ANO3: variants seen among roughly 807,000 people sequenced by gnomAD.
ANO3 encodes anoctamin 3, also known as anoctamin-3.
ANO3 carries 99 observed loss-of-function variants against 144.8 expected under a neutral mutation model. The observed-to-expected ratio is 0.68, with a 90% CI of 0.58 to 0.81. The LOEUF (loss-of-function observed/expected upper bound fraction) is 0.81, where lower values mean the gene tolerates loss of function less well. Among genes scored for constraint, ANO3 ranks in the 30% least tolerant of loss-of-function variants. The pLI is 0.00. For missense variants in ANO3, 905 were observed against 1,202.2 expected, an observed-to-expected ratio of 0.75 and a Z score of 3.66; for synonymous variants, 414 against 392.6, an observed-to-expected ratio of 1.05 and a Z score of -0.64.
At chr11:26,189,357 A>G in intron 1 of ANO3, 2 of 979,612 alleles carry the variant, frequency 2.0e-6, no homozygotes, top group South Asian at 9.5e-5. Flanking sequence ...ATTGATATGT[A>G]TGAGTATCTT....
At chr11:26,240,291 A>G (rs962512714) in intron 1 of ANO3, among the ~76,000 whole-genome samples, 46 of 152,312 alleles carry the variant, frequency 3.0e-4, no homozygotes, top group Admixed American at 1.1e-3. Flanking sequence ...TATAAAGAAC[A>G]TATAATCTCT....
At chr11:26,313,026 A>G (rs1854536570) in intron 1 of ANO3, among the ~76,000 whole-genome samples, 1 of 152,196 alleles carries the variant, frequency 6.6e-6, no homozygotes, top group South Asian at 2.1e-4. Flanking sequence ...ATTGTTTCAA[A>G]TCAGTTGTTC....
intron 1 of ANO3, among the ~76,000 whole-genome samples, chr11:26,219,503 G>A (rs1852099782): frequency 6.6e-6 from 1 of 152,080 alleles, no homozygotes; most frequent in Non-Finnish European, 1.5e-5. Context: ...GGATCTCCCT[G>A]TTTTTTCATT....
At chr11:26,465,098 T>G (rs1859548622) in intron 4 of ANO3, among the ~76,000 whole-genome samples, 1 of 150,644 alleles carries the variant, frequency 6.6e-6, no homozygotes. Context: ...TTGTTGGCCT[T>G]TCTCTTATTA....
At chr11:26,437,186 G>A (rs1168962598) in intron 1 of ANO3, among the ~76,000 whole-genome samples, 3 of 152,146 alleles carry the variant, frequency 2.0e-5, no homozygotes, top group Non-Finnish European at 2.9e-5. Context: ...TCTTTCCTAG[G>A]GGTATGTACA....
chr11:26,429,318 A>G (rs1304102199), intron 1 of ANO3, among the ~76,000 whole-genome samples: 1 of 152,174 alleles, frequency 6.6e-6, no homozygotes, highest in East Asian at 1.9e-4. Context: ...GTGTCTTTAG[A>G]TGAGATCAAG....
At chr11:26,651,798 G>A (rs1027094117) in intron 24 of ANO3, among the ~76,000 whole-genome samples, 2 of 152,032 alleles carry the variant, frequency 1.3e-5, no homozygotes, top group Admixed American at 6.6e-5. Context: ...GGAATTATAG[G>A]CCTACAGGAA....
chr11:26,272,932 C>T (rs1218270017), intron 1 of ANO3, among the ~76,000 whole-genome samples: 1 of 152,082 alleles, frequency 6.6e-6, no homozygotes, highest in African/African-American at 2.4e-5. Context: ...GGTACATGCT[C>T]GATACTTAAC....
chr11:26,221,776 C>A (rs1852149247), intron 1 of ANO3, among the ~76,000 whole-genome samples: 1 of 151,996 alleles, frequency 6.6e-6, no homozygotes, highest in African/African-American at 2.4e-5. Flanking sequence ...GGGGGAGGTG[C>A]CACACACTTT....
At chr11:26,501,076 C>T (rs1861177251) in intron 4 of ANO3, among the ~76,000 whole-genome samples, 1 of 152,116 alleles carries the variant, frequency 6.6e-6, no homozygotes, top group Non-Finnish European at 1.5e-5. Flanking sequence ...TAATGAAAAA[C>T]ATTCCTATTA....
chr11:26,561,031 A>G (rs1850267065), intron 14 of ANO3: 1 of 1,586,738 alleles, frequency 6.3e-7, no homozygotes, highest in African/African-American at 1.4e-5. Context: ...GATGTAGATG[A>G]CACTTGCTGT....
intron 1 of ANO3, among the ~76,000 whole-genome samples, chr11:26,345,238 A>T (rs1311439222): frequency 6.6e-6 from 1 of 152,176 alleles, no homozygotes; most frequent in African/African-American, 2.4e-5. Flanking sequence ...AAATTATCAG[A>T]TATCCCTTCC....
At chr11:26,505,013 A>G (rs12795292) in intron 4 of ANO3, among the ~76,000 whole-genome samples, 1 of 4,194 alleles carries the variant, frequency 2.4e-4, no homozygotes, top group Non-Finnish European at 4.9e-4. Context: ...CTCCACCTCA[A>G]AAAAAAAAAA....
chr11:26,604,228 G>A (rs575923163), intron 17 of ANO3, among the ~76,000 whole-genome samples: 6 of 152,230 alleles, frequency 3.9e-5, no homozygotes, highest in African/African-American at 7.2e-5. Flanking sequence ...TAGTAGATAC[G>A]TGGTGTTATT....
chr11:26,213,126 G>T (rs994977203), intron 1 of ANO3, among the ~76,000 whole-genome samples: 25 of 152,012 alleles, frequency 1.6e-4, no homozygotes, highest in African/African-American at 4.8e-4. Context: ...TTGATGAAAC[G>T]TTATCTCAAA....
At chr11:26,335,612 T>G (rs1329746089) in intron 1 of ANO3, among the ~76,000 whole-genome samples, 1 of 152,188 alleles carries the variant, frequency 6.6e-6, no homozygotes, top group Non-Finnish European at 1.5e-5. Context: ...TCTAAAATGT[T>G]TTTGCAAGAA....
intron 1 of ANO3, among the ~76,000 whole-genome samples, chr11:26,300,489 G>T (rs1053878103): frequency 6.6e-6 from 1 of 152,080 alleles, no homozygotes; most frequent in African/African-American, 2.4e-5. Flanking sequence ...GAGAAGAATC[G>T]AGACACACCA....
At chr11:26,264,208 C>A (rs1022240833) in intron 1 of ANO3, among the ~76,000 whole-genome samples, 2 of 152,170 alleles carry the variant, frequency 1.3e-5, no homozygotes, top group African/African-American at 4.8e-5. Context: ...AGAAATTAAA[C>A]TACAACATGT....
At chr11:26,277,989 T>G (rs1362801028) in intron 1 of ANO3, among the ~76,000 whole-genome samples, 1 of 152,112 alleles carries the variant, frequency 6.6e-6, no homozygotes, top group African/African-American at 2.4e-5. Context: ...TGGTTTTCCT[T>G]GTAAGACATT....
Sources: gnomAD v4.1 joint callset for allele counts (sites outside exome capture counted in the v4.1 genomes callset) on GRCh38, gnomAD v4.1.1 for gene constraint, MANE v1.5 for transcripts, NCBI Gene and HGNC (gene_info 2026-07-23, HGNC 2026-07-21) for gene names.